The following TEX11 variants were observed in gnomAD, a reference collection of about 807,000 sequenced individuals.
TEX11 encodes the protein testis expressed 11, also known as testis-expressed protein 11.
TEX11 carries 7 observed loss-of-function variants against 84.4 expected under a neutral mutation model. The ratio of observed to expected loss-of-function variants is 0.08; its 90% CI spans 0.05 to 0.16. The LOEUF is 0.16. Ranked by LOEUF, TEX11 falls within the 10% of genes least tolerant of loss-of-function variation. The pLI is 1.00. For missense variants in TEX11, 551 were observed against 660.5 expected (o/e 0.83, Z 1.82); for synonymous variants, 264 against 222.8 (o/e 1.18, Z -1.64).
intron 13 of TEX11, among the ~76,000 whole-genome samples, chrX:70,698,872 T>C (rs912861536): frequency 8.9e-6 from 1 of 111,863 alleles, no homozygotes; most frequent in African/African-American, 3.2e-5. Context: ...AGGTGGGGGC[T>C]AGTGTCTCTA....
At chrX:70,569,311 A>T (rs2088549722) in intron 25 of TEX11, among the ~76,000 whole-genome samples, 1 of 110,809 alleles carries the variant, frequency 9.0e-6, no homozygotes, top group Non-Finnish European at 1.9e-5. Context: ...ATTCGTCTAA[A>T]TTTTTTTCAA....
chrX:70,518,520 G>A, the TEX11 span, among the ~76,000 whole-genome samples: 1 of 111,976 alleles, frequency 8.9e-6, no homozygotes, highest in Non-Finnish European at 1.9e-5. Flanking sequence ...TTTTACATTT[G>A]CTGAGGAGTG....
downstream of TEX11, among the ~76,000 whole-genome samples, chrX:70,526,622 A>G (rs1471684459): frequency 9.0e-6 from 1 of 110,974 alleles, no homozygotes; most frequent in Non-Finnish European, 1.9e-5. Flanking sequence ...TGAACTCATG[A>G]TTTTCTATGT....
chrX:70,685,101 C>T (rs2090177239), intron 13 of TEX11, among the ~76,000 whole-genome samples: 1 of 112,262 alleles, frequency 8.9e-6, no homozygotes, highest in South Asian at 3.7e-4. Flanking sequence ...CAGTGGCTCA[C>T]TCCTGTAATC....
At chrX:70,840,042 T>A (rs1569453058) in intron 7 of TEX11, among the ~76,000 whole-genome samples, 2 of 111,886 alleles carry the variant, frequency 1.8e-5, no homozygotes, top group African/African-American at 6.5e-5. Context: ...GGAACCAAGT[T>A]GGAAAACACT....
At chrX:70,844,363 A>G (rs1259675462) in intron 7 of TEX11, among the ~76,000 whole-genome samples, 2 of 105,500 alleles carry the variant, frequency 1.9e-5, no homozygotes, top group Admixed American at 1.0e-4. Context: ...TCGCAAGGAC[A>G]AAAAACCAAA....
intron 2 of TEX11, among the ~76,000 whole-genome samples, chrX:70,889,006 G>T (rs921551880): frequency 9.0e-6 from 1 of 111,097 alleles, no homozygotes; most frequent in Non-Finnish European, 1.9e-5. Context: ...AAATGTGAAG[G>T]AGAAAGACTT....
At chrX:70,759,405 A>G (rs985341455) in intron 9 of TEX11, among the ~76,000 whole-genome samples, 2 of 111,800 alleles carry the variant, frequency 1.8e-5, no homozygotes, top group African/African-American at 6.5e-5. Context: ...CAGCACATCA[A>G]AAAGCTTATC....
chrX:70,778,795 T>C lies in TEX11; in HGVS notation c.692+27910A>G, dbSNP rs957153298. Reference sequence around the variant, plus strand: ...AACTAAAATCATATCAAGTATCCTTTCTGACCAAAATGGTATGAAACTAGA... The same window carrying C: ...AACTAAAATCATATCAAGTATCCTTCCTGACCAAAATGGTATGAAACTAGA... On this transcript the variant is annotated intron_variant, in intron 9 of 29. Coordinates refer to ENST00000374333, the MANE Select transcript of TEX11 (RefSeq NM_031276.3). Among the ~76,000 whole-genome samples, 15 of 111,620 alleles carry C rather than the reference T, an allele frequency of 1.3e-4. 1 individual carries two copies. Among genetic ancestry groups the C allele is most frequent in the Non-Finnish European group, 2.6e-4 (14 of 53,198 alleles).
At chrX:70,749,531 C>T (rs1569428341) in intron 9 of TEX11, among the ~76,000 whole-genome samples, 1 of 106,416 alleles carries the variant, frequency 9.4e-6, no homozygotes. Flanking sequence ...CAGTGTTTGC[C>T]CATTCAGTAT....
chrX:70,745,858 G>A (rs781353722), intron 9 of TEX11, among the ~76,000 whole-genome samples: 27 of 111,752 alleles, frequency 2.4e-4, no homozygotes, highest in Non-Finnish European at 4.3e-4. Context: ...TTTCATAGAG[G>A]TCTCCTTTAG....
chrX:70,667,488 AT>A (rs958999502), intron 16 of TEX11, among the ~76,000 whole-genome samples: 8 of 112,216 alleles, frequency 7.1e-5, no homozygotes, highest in Admixed American at 6.6e-4. Flanking sequence ...ATAAATAAAT[AT>A]TTTTGAATGA....
intron 2 of TEX11, among the ~76,000 whole-genome samples, chrX:70,880,911 C>T (rs997183516): frequency 1.9e-5 from 2 of 105,464 alleles, no homozygotes; most frequent in African/African-American, 7.0e-5. Flanking sequence ...GGATGCTCCA[C>T]GCCTGTAGTA....
At chrX:70,732,409 C>T (rs1353111796) in intron 11 of TEX11, among the ~76,000 whole-genome samples, 1 of 111,694 alleles carries the variant, frequency 9.0e-6, no homozygotes, top group Non-Finnish European at 1.9e-5. Flanking sequence ...ACCCCATCGT[C>T]TCAGCCCAAA....
At chrX:70,759,352 C>A (rs1005266563) in intron 9 of TEX11, among the ~76,000 whole-genome samples, 1 of 111,516 alleles carries the variant, frequency 9.0e-6, no homozygotes, top group African/African-American at 3.3e-5. Context: ...TGCTGAACAT[C>A]GATGCGAAAA....
chrX:70,565,012 G>C (rs2088440376), intron 25 of TEX11, among the ~76,000 whole-genome samples: 1 of 106,532 alleles, frequency 9.4e-6, no homozygotes, highest in Non-Finnish European at 1.9e-5. Flanking sequence ...CTAGTTTACA[G>C]TCCCACCAAC....
chrX:70,570,264 G>A (rs939478371), intron 25 of TEX11, among the ~76,000 whole-genome samples: 18 of 112,283 alleles, frequency 1.6e-4, no homozygotes, highest in African/African-American at 3.2e-4. Context: ...TCAGAAAAGC[G>A]CAGTATTGGG....
intron 9 of TEX11, among the ~76,000 whole-genome samples, chrX:70,752,408 C>G (rs1183274533): frequency 9.3e-6 from 1 of 107,485 alleles, no homozygotes; most frequent in Non-Finnish European, 1.9e-5. Flanking sequence ...GCCTGTAATC[C>G]CAGCTGTTCG....
At chrX:70,641,666 C>A (rs1221490731) in intron 17 of TEX11, among the ~76,000 whole-genome samples, 2 of 111,483 alleles carry the variant, frequency 1.8e-5, no homozygotes, top group East Asian at 5.6e-4. Flanking sequence ...TCCTCAATGA[C>A]TGCTGGGTAC....
Sources: allele counts gnomAD v4.1 joint callset (sites outside exome capture counted in the v4.1 genomes callset), GRCh38; gene constraint gnomAD v4.1.1; transcripts MANE v1.5; gene names NCBI Gene and HGNC (gene_info 2026-07-23, HGNC 2026-07-21).